Variants in TTLL11 observed in about 807,000 individuals in gnomAD.
TTLL11 encodes the protein tubulin polyglutamylase TTLL11.
TTLL11 carries 42 observed loss-of-function variants against 51.7 expected under a neutral mutation model. That is an observed-to-expected ratio of 0.81 (90% confidence interval 0.64 to 1.05). The LOEUF (loss-of-function observed/expected upper bound fraction) is 1.05. TTLL11 is among the 50% of genes least tolerant of loss of function. The pLI, the probability that TTLL11 is intolerant of heterozygous loss-of-function variation, is 0.00. For synonymous variants in TTLL11, 381 were observed against 383.5 expected (o/e 0.99, Z 0.08); for missense variants, 799 against 940.4 (o/e 0.85, Z 1.97).
At chr9:121,859,213 G>A (rs1306911519) in intron 8 of TTLL11, among the ~76,000 whole-genome samples, 2 of 152,112 alleles carry the variant, frequency 1.3e-5, no homozygotes, top group Non-Finnish European at 2.9e-5. Flanking sequence ...CCTCTGGGCT[G>A]GGCGCAGTGG....
chr9:121,867,388 G>T (rs1205805719), intron 7 of TTLL11, among the ~76,000 whole-genome samples: 3 of 152,116 alleles, frequency 2.0e-5, no homozygotes, highest in Admixed American at 2.0e-4. Context: ...CCCCGACCTT[G>T]TCTACCCAGC....
chr9:121,964,170 G>GA (rs754644802), intron 6 of TTLL11, among the ~76,000 whole-genome samples: 93 of 137,298 alleles, frequency 6.8e-4, no homozygotes, highest in East Asian at 1.3e-3. Flanking sequence ...ATAAAAGTTG[G>GA]AAAAAAAAAA....
At chr9:121,949,645 C>T (rs1470077683) in intron 6 of TTLL11, among the ~76,000 whole-genome samples, 6 of 152,040 alleles carry the variant, frequency 3.9e-5, no homozygotes, top group Admixed American at 6.6e-5. Context: ...GCTTGGCTGT[C>T]TCTCCTCTAC....
rs114789963 is a variant in TTLL11, at chr9:121,890,592, T to A, written c.1482-19844A>T. On this transcript the variant is annotated intron_variant, in intron 6 of 8. Coordinates refer to ENST00000321582, the MANE Select transcript of TTLL11 (RefSeq NM_001139442.2). This position sits in a 1 kb window ranked among gnomAD's most constrained non-coding sequence, Gnocchi z 4.3. ...TGCTTCATTTTCTCCATAGCGCTCA[T>A]CACCACTCATCACAGTATAGATTTT... Among the ~76,000 whole-genome samples, 537 of 152,318 alleles carry A rather than the reference T, an allele frequency of 3.5e-3. 3 individuals are homozygous for A. Among genetic ancestry groups the A allele is most frequent in the African/African-American group, 0.012 (517 of 41,560 alleles).
intron 4 of TTLL11, among the ~76,000 whole-genome samples, chr9:121,982,444 T>C (rs1452689458): frequency 6.6e-6 from 1 of 152,108 alleles, no homozygotes; most frequent in African/African-American, 2.4e-5. Flanking sequence ...GGGCTGGGCA[T>C]GGTGGCTCAC....
chr9:121,906,771 A>G (rs1839963785), intron 6 of TTLL11, among the ~76,000 whole-genome samples: 1 of 152,210 alleles, frequency 6.6e-6, no homozygotes, highest in Non-Finnish European at 1.5e-5. Flanking sequence ...TGGTTCCAAA[A>G]TGAAAAGTAC....
intron 8 of TTLL11, among the ~76,000 whole-genome samples, chr9:121,845,148 C>T (rs961637438): frequency 1.3e-5 from 2 of 152,098 alleles, no homozygotes; most frequent in Admixed American, 6.5e-5. Flanking sequence ...CTTACCTATA[C>T]AGGTAAGGTA....
At chr9:121,826,037 C>T (rs185536968) in intron 8 of TTLL11, among the ~76,000 whole-genome samples, 307 of 150,232 alleles carry the variant, frequency 2.0e-3, no homozygotes, top group African/African-American at 7.3e-3. Flanking sequence ...GGGGGAGATG[C>T]TTTTAATTAT....
Position 122,092,852 on chromosome 9 carries a change from G to A in TTLL11, c.297C>T (p.Leu99=), listed in dbSNP as rs1462457935. The A allele has an allele frequency of 7.6e-6, 12 of 1,570,740 alleles. No homozygotes were observed. Among genetic ancestry groups the A allele is most frequent in the Non-Finnish European group, 1.0e-5 (12 of 1,165,844 alleles). The change falls in exon 1 of 9, where the codon CTC becomes CTT. Residue 99 remains leucine (L), a synonymous_variant. Coordinates refer to ENST00000321582, the MANE Select transcript of TTLL11 (RefSeq NM_001139442.2). ...PPSKPKPVQG[L]CPHGKPRDKG... is the part of the protein sequence containing the mutation. Reference sequence around the variant, plus strand: ...TGTCCCGGGGCTTCCCGTGCGGGCAGAGGCCCTGCACCGGCTTCGGCTTGG... The same window carrying A: ...TGTCCCGGGGCTTCCCGTGCGGGCAAAGGCCCTGCACCGGCTTCGGCTTGG...
intron 3 of TTLL11, among the ~76,000 whole-genome samples, chr9:122,017,644 G>A (rs948227202): frequency 1.3e-4 from 20 of 152,116 alleles, no homozygotes; most frequent in Admixed American, 5.2e-4. Context: ...TGTATTTTTA[G>A]TAGAGAAGGG....
rs111580279 is a variant in TTLL11, at chr9:121,963,181, T to C, written c.1481+10828A>G. Among the ~76,000 whole-genome samples, 206 of 152,336 alleles carry C rather than the reference T, an allele frequency of 1.4e-3. 1 individual carries two copies. Among genetic ancestry groups the C allele is most frequent in the Non-Finnish European group, 2.6e-3 (175 of 68,032 alleles). ...TACGTGAGGACTAGCTGGGACTATA[T>C]GTGAACATTTACTACCATGCTATAC... On this transcript the variant is annotated intron_variant, in intron 6 of 8. Coordinates refer to ENST00000321582, the MANE Select transcript of TTLL11 (RefSeq NM_001139442.2).
intron 2 of TTLL11, among the ~76,000 whole-genome samples, chr9:122,033,359 C>T (rs1844610620): frequency 6.6e-6 from 1 of 151,838 alleles, no homozygotes; most frequent in African/African-American, 2.4e-5. Flanking sequence ...GTGATCCACC[C>T]CCCTCGGCCT....
chr9:122,054,787 T>C lies in TTLL11; in HGVS notation c.463-15419A>G, dbSNP rs144706913. 4.7e-3 allele frequency among the ~76,000 whole-genome samples: 709 copies of C among 152,278 alleles called. 5 individuals are homozygous for C. Among genetic ancestry groups the C allele is most frequent in the African/African-American group, 0.016 (676 of 41,558 alleles). On this transcript the variant is annotated intron_variant, in intron 1 of 8. Coordinates refer to ENST00000321582, the MANE Select transcript of TTLL11 (RefSeq NM_001139442.2). ...ATCAATTCACCACTAGGCCTCAAAT[T>C]ACCTAGACTCTTCCATATCGAAACT...
chr9:122,054,266 C>T (rs1486077841), intron 1 of TTLL11, among the ~76,000 whole-genome samples: 1 of 151,884 alleles, frequency 6.6e-6, no homozygotes. Flanking sequence ...AAAATTGTTA[C>T]CAAACAATTT....
intron 6 of TTLL11, among the ~76,000 whole-genome samples, chr9:121,931,927 C>A (rs1225778854): frequency 6.6e-6 from 1 of 152,186 alleles, no homozygotes; most frequent in Non-Finnish European, 1.5e-5. Context: ...TGAATTCTTG[C>A]AGTGCTTAGC....
chr9:122,063,651 C>G (rs766849723), intron 1 of TTLL11, among the ~76,000 whole-genome samples: 45 of 152,264 alleles, frequency 3.0e-4, no homozygotes, highest in Non-Finnish European at 5.1e-4. Flanking sequence ...TCTTATGGTT[C>G]CTGTTTTGTT....
intron 6 of TTLL11, among the ~76,000 whole-genome samples, chr9:121,935,607 G>C (rs1457587228): frequency 6.6e-6 from 1 of 152,358 alleles, no homozygotes; most frequent in Middle Eastern, 3.4e-3. Context: ...TTTGGCTGCT[G>C]TAAGGAGAAT....
chr9:122,016,590 G>A (rs1196447435), intron 3 of TTLL11, among the ~76,000 whole-genome samples: 3 of 152,126 alleles, frequency 2.0e-5, no homozygotes, highest in Admixed American at 6.5e-5. Context: ...TAAACCCAGC[G>A]GAGGACGTTG....
At position 121,816,928 on chromosome 9, in the gene TTLL11, A is replaced by G. The variant is rs1273795507; in HGVS notation, c.*5659T>C. The G allele has an allele frequency of 6.6e-6, 1 of 152,188 alleles. No homozygotes were observed. Among genetic ancestry groups the G allele is most frequent in the Non-Finnish European group, 1.5e-5 (1 of 68,024 alleles). 9.4% of individuals were successfully genotyped at this position (152,188 alleles called of 1,614,324 possible). A position where few individuals can be genotyped will look rare whatever the true frequency, so the allele number is the denominator to read the frequency against. On this transcript the variant is annotated 3_prime_UTR_variant, in exon 9 of 9. Transcript: ENST00000321582. ...ATTTCTCTCACATTCATCAAACCAA[A>G]TGGGAGATTGGCAAAAATATCCATC... is the stretch of plus-strand genomic sequence containing the variant.
Sources: allele counts gnomAD v4.1 joint callset (sites outside exome capture counted in the v4.1 genomes callset), GRCh38; gene constraint gnomAD v4.1.1; non-coding constraint Gnocchi (gnomAD v3.1); transcripts MANE v1.5; gene names NCBI Gene and HGNC (gene_info 2026-07-23, HGNC 2026-07-21).